ARHGAP20: variants seen among roughly 807,000 people sequenced by gnomAD.
ARHGAP20 encodes the protein rho GTPase-activating protein 20.
In ARHGAP20, 34 loss-of-function variants were observed where a neutral mutation model predicts 73.7. The observed-to-expected ratio is 0.46, with a 90% confidence interval of 0.35 to 0.61. The LOEUF (loss-of-function observed/expected upper bound fraction) is 0.61. ARHGAP20 is among the 20% of genes least tolerant of loss of function. The pLI, the probability that ARHGAP20 is intolerant of heterozygous loss-of-function variation, is 0.00. For synonymous variants in ARHGAP20, 523 were observed against 518.2 expected, an observed-to-expected ratio of 1.01 and a Z score of -0.13; for missense variants, 1,314 against 1,420.9, an observed-to-expected ratio of 0.92 and a Z score of 1.21.
Position 110,614,635 on chromosome 11 carries a change from G to C in ARHGAP20, c.556C>G (p.Leu186Val). 1 of 1,610,946 alleles carries C rather than the reference G, an allele frequency of 6.2e-7. No homozygotes were observed. The highest frequency in any genetic ancestry group is 8.5e-7 in the Non-Finnish European group (1 of 1,178,592). Residue 186 changes from leucine to valine, a missense_variant, in exon 6 of 15, where the codon CTA becomes GTA. Around this residue, in one of 3 missense-constraint regions of ARHGAP20, gnomAD observed 443 missense variants for 466.4 expected, o/e 0.95. Coordinates refer to ENST00000683387, the MANE Select transcript of ARHGAP20 (RefSeq NM_001384657.1). ...WLSLLQRYIN[L>V]EKEKDYPKSI... ...TTCGGGTAGTCCTTTTCTTTCTCTAGATTGATGTATCTAATCAAATGCAAC... is the reference window on the plus strand; with the variant it reads ...TTCGGGTAGTCCTTTTCTTTCTCTACATTGATGTATCTAATCAAATGCAAC...
chr11:110,682,454 G>A (rs1490236990), intron 2 of ARHGAP20, among the ~76,000 whole-genome samples: 1 of 152,054 alleles, frequency 6.6e-6, no homozygotes, highest in African/African-American at 2.4e-5. Context: ...ATTTAGACCT[G>A]GCAATTTGGT....
chr11:110,592,921 C>T (rs1365815898), intron 9 of ARHGAP20, among the ~76,000 whole-genome samples: 1 of 152,054 alleles, frequency 6.6e-6, no homozygotes, highest in Non-Finnish European at 1.5e-5. Flanking sequence ...TTATAATCTA[C>T]TAGGGATGAA....
intron 2 of ARHGAP20, among the ~76,000 whole-genome samples, chr11:110,651,346 G>A (rs1190462275): frequency 6.6e-6 from 1 of 151,922 alleles, no homozygotes; most frequent in Admixed American, 6.6e-5. Context: ...AAACCCCAAA[G>A]CTAGCAAAAA....
chr11:110,578,279 A>T lies in ARHGAP20; in HGVS notation c.*1091T>A, dbSNP rs1213053562. ...GGCTGTCTGAGAAGGCCTGGCAGCC[A>T]CTTTGTTGGGTATTCTATTGTGGGA... On this transcript the variant is annotated 3_prime_UTR_variant, in exon 15 of 15. Transcript: ENST00000683387. 3 of 985,362 alleles carry T rather than the reference A, an allele frequency of 3.0e-6. No homozygotes were observed. The African/African-American group carries it at 5.2e-5, about 17-fold the overall frequency. The allele number at this position is 985,362 out of a possible 1,614,324, so 61.0% of individuals were successfully genotyped here.
intron 4 of ARHGAP20, among the ~76,000 whole-genome samples, chr11:110,617,706 A>G (rs1226533192): frequency 6.6e-6 from 1 of 152,074 alleles, no homozygotes; most frequent in East Asian, 1.9e-4. Context: ...CCTGCTCTAT[A>G]CCTGAATCCA....
upstream of ARHGAP20, chr11:110,713,069 C>G (rs1423811312): frequency 6.6e-6 from 1 of 152,292 alleles, no homozygotes; most frequent in Non-Finnish European, 1.5e-5. Flanking sequence ...ACATTTGCAC[C>G]CGCGGTTTCC....
At chr11:110,691,268 G>T (rs747016234) in intron 1 of ARHGAP20, among the ~76,000 whole-genome samples, 1 of 151,976 alleles carries the variant, frequency 6.6e-6, no homozygotes, top group East Asian at 1.9e-4. Flanking sequence ...AAGTTTATTC[G>T]ACTTGAATTA....
intron 1 of ARHGAP20, among the ~76,000 whole-genome samples, chr11:110,707,176 A>G (rs975075390): frequency 6.6e-6 from 1 of 152,126 alleles, no homozygotes; most frequent in African/African-American, 2.4e-5. Context: ...TGGGCCTATA[A>G]GTCTCTTTTC....
At chr11:110,711,260 C>T (rs899846395) in intron 1 of ARHGAP20, among the ~76,000 whole-genome samples, 1 of 152,178 alleles carries the variant, frequency 6.6e-6, no homozygotes, top group Non-Finnish European at 1.5e-5. Context: ...TCACCTGCAT[C>T]CCTCTCCCAG....
At chr11:110,679,994 A>G (rs1950008118) in intron 2 of ARHGAP20, among the ~76,000 whole-genome samples, 1 of 152,180 alleles carries the variant, frequency 6.6e-6, no homozygotes, top group African/African-American at 2.4e-5. Flanking sequence ...CCATCCAACT[A>G]AGAGTTGACC....
chr11:110,614,773 G>C, intron 5 of ARHGAP20, 128 bp from the exon 6 acceptor site: 1 of 640,866 alleles, frequency 1.6e-6, no homozygotes, highest in South Asian at 2.4e-5. Context: ...AAAAAAGATA[G>C]ATGAGAAGAC....
intron 2 of ARHGAP20, among the ~76,000 whole-genome samples, chr11:110,687,883 TAAGAA>T (rs1181015847): frequency 6.6e-6 from 1 of 152,156 alleles, no homozygotes; most frequent in Admixed American, 6.5e-5. Flanking sequence ...AGAAGTCAGA[TAAGAA>T]ATTTCATGTA....
chr11:110,659,454 ATAT>A (rs1452068683), intron 2 of ARHGAP20, among the ~76,000 whole-genome samples: 1 of 151,102 alleles, frequency 6.6e-6, no homozygotes, highest in Non-Finnish European at 1.5e-5. Flanking sequence ...TAGATTCTGG[ATAT>A]TAGCCCTTTG....
chr11:110,711,710 G>C, intron 1 of ARHGAP20: 1 of 1,423,912 alleles, frequency 7.0e-7, no homozygotes, highest in Non-Finnish European at 9.2e-7. Flanking sequence ...CCCTGACTTT[G>C]GGGCTGACAC....
At chr11:110,660,835 A>C (rs1591151374) in intron 2 of ARHGAP20, among the ~76,000 whole-genome samples, 1 of 152,122 alleles carries the variant, frequency 6.6e-6, no homozygotes, top group African/African-American at 2.4e-5. Flanking sequence ...CGAGAAAAAA[A>C]TTGGGGCTAG....
At chr11:110,680,823 T>C (rs1950023688) in intron 2 of ARHGAP20, among the ~76,000 whole-genome samples, 1 of 152,104 alleles carries the variant, frequency 6.6e-6, no homozygotes, top group Non-Finnish European at 1.5e-5. Context: ...GTATGAAAAG[T>C]AGTTTGAAAA....
At chr11:110,586,426 C>T in intron 11 of ARHGAP20, 101 bp from the exon 12 acceptor site, 10 of 617,256 alleles carry the variant, frequency 1.6e-5, no homozygotes, top group Non-Finnish European at 2.7e-6. Context: ...CCCTTACGTA[C>T]TCTCTTCTGT....
chr11:110,690,687 G>A (rs1950225980), intron 1 of ARHGAP20, 58 bp from the exon 2 acceptor site: 4 of 1,531,330 alleles, frequency 2.6e-6, no homozygotes, highest in East Asian at 2.3e-5. Flanking sequence ...AGACAATGTT[G>A]ATTTTTTTTT....
chr11:110,617,913 T>A (rs1948518681), intron 4 of ARHGAP20, among the ~76,000 whole-genome samples: 3 of 152,112 alleles, frequency 2.0e-5, no homozygotes. Flanking sequence ...GAAGATTCTC[T>A]CAAATTATGG....
Sources: allele counts gnomAD v4.1 joint callset (sites outside exome capture counted in the v4.1 genomes callset), GRCh38; gene constraint gnomAD v4.1.1; regional missense constraint gnomAD v4.1.1; transcripts MANE v1.5; gene names NCBI Gene and HGNC (gene_info 2026-07-23, HGNC 2026-07-21).